The following ANKS1B variants were observed in gnomAD, a reference collection of about 807,000 sequenced individuals.
ANKS1B encodes ankyrin repeat and sterile alpha motif domain containing 1B, also known as ankyrin repeat and sterile alpha motif domain-containing protein 1B.
Under a neutral mutation model 148.3 loss-of-function variants are expected in ANKS1B, and 36 were observed. The ratio of observed to expected loss-of-function variants is 0.24; its 90% CI spans 0.19 to 0.32. The LOEUF is 0.32. Among genes scored for constraint, ANKS1B ranks in the 10% least tolerant of loss-of-function variants. ANKS1B has a pLI of 1.00. For missense variants in ANKS1B, 1,157 were observed against 1,542.6 expected, an observed-to-expected ratio of 0.75 and a Z score of 4.19; for synonymous variants, 542 against 560.8, an observed-to-expected ratio of 0.97 and a Z score of 0.47.
At chr12:98,891,182 C>T (rs1451162503) in intron 17 of ANKS1B, among the ~76,000 whole-genome samples, 1 of 152,184 alleles carries the variant, frequency 6.6e-6, no homozygotes, top group Admixed American at 6.5e-5. Context: ...AGAACTTGCA[C>T]TTTTGCTTCT....
chr12:99,694,042 G>A (rs1359694411), intron 8 of ANKS1B, among the ~76,000 whole-genome samples: 2 of 150,758 alleles, frequency 1.3e-5, no homozygotes, highest in East Asian at 2.0e-4. Context: ...GCCTCCCAAA[G>A]TGCTGGGATT....
intron 8 of ANKS1B, among the ~76,000 whole-genome samples, chr12:99,765,829 T>G (rs1206785020): frequency 2.6e-4 from 39 of 152,122 alleles, no homozygotes; most frequent in Admixed American, 2.6e-3. Context: ...ACAAAATAGC[T>G]CTTTTCTATG....
At chr12:99,380,250 A>G (rs2152504528) in intron 12 of ANKS1B, among the ~76,000 whole-genome samples, 1 of 152,332 alleles carries the variant, frequency 6.6e-6, no homozygotes, top group South Asian at 2.1e-4. Flanking sequence ...AGCTTTCACC[A>G]GCTATATTTG....
intron 13 of ANKS1B, 129 bp downstream of exon 13, chr12:99,246,146 A>C: frequency 1.5e-6 from 1 of 672,214 alleles, no homozygotes; most frequent in Middle Eastern, 2.5e-4. Flanking sequence ...GAACCATTTC[A>C]TTCCAGTTGG....
intron 16 of ANKS1B, among the ~76,000 whole-genome samples, chr12:99,053,968 G>T (rs1312437295): frequency 2.0e-5 from 3 of 152,122 alleles, no homozygotes; most frequent in Non-Finnish European, 4.4e-5. Flanking sequence ...AAAAATAGGA[G>T]AACAAAGAAA....
chr12:98,908,012 T>A (rs1001638639), intron 17 of ANKS1B, among the ~76,000 whole-genome samples: 4 of 152,162 alleles, frequency 2.6e-5, no homozygotes, highest in African/African-American at 9.7e-5. Context: ...GTCTCAGGTA[T>A]GTCTTTATTA....
At chr12:99,952,632 G>C (rs1483791154) in intron 1 of ANKS1B, among the ~76,000 whole-genome samples, 1 of 152,058 alleles carries the variant, frequency 6.6e-6, no homozygotes, top group Non-Finnish European at 1.5e-5. Context: ...TGATCTAAAG[G>C]CTCTTGTACT....
At chr12:99,212,229 G>T (rs2083441923) in intron 14 of ANKS1B, among the ~76,000 whole-genome samples, 1 of 152,154 alleles carries the variant, frequency 6.6e-6, no homozygotes, top group African/African-American at 2.4e-5. Context: ...AAGGTAGCCT[G>T]GGAGTTAAAA....
chr12:99,853,753 A>G (rs1296284517), intron 1 of ANKS1B, among the ~76,000 whole-genome samples: 2 of 152,206 alleles, frequency 1.3e-5, no homozygotes, highest in Non-Finnish European at 2.9e-5. Flanking sequence ...AAGAATTCAG[A>G]AGGTCAATTA....
intron 1 of ANKS1B, among the ~76,000 whole-genome samples, chr12:99,825,977 C>T (rs1295567768): frequency 2.0e-5 from 3 of 152,116 alleles, no homozygotes; most frequent in Admixed American, 1.3e-4. Context: ...TTTTACTATG[C>T]AATATATTCT....
intron 19 of ANKS1B, among the ~76,000 whole-genome samples, chr12:98,828,262 G>A (rs1485537193): frequency 6.6e-6 from 1 of 152,142 alleles, no homozygotes. Flanking sequence ...TGTCTCTCGT[G>A]AGCTGCAGCA....
chr12:99,216,251 C>T (rs1219415528), intron 14 of ANKS1B, among the ~76,000 whole-genome samples: 2 of 152,114 alleles, frequency 1.3e-5, no homozygotes, highest in Admixed American at 6.6e-5. Context: ...ATAAATTACC[C>T]ACATAATTCT....
intron 17 of ANKS1B, among the ~76,000 whole-genome samples, chr12:98,978,472 T>C (rs961481524): frequency 6.6e-6 from 1 of 152,184 alleles, no homozygotes; most frequent in Non-Finnish European, 1.5e-5. Flanking sequence ...TATGTGATTA[T>C]GTGCAAACTG....
At chr12:99,858,766 T>A (rs1168401362) in intron 1 of ANKS1B, among the ~76,000 whole-genome samples, 6 of 152,130 alleles carry the variant, frequency 3.9e-5, no homozygotes, top group Non-Finnish European at 8.8e-5. Flanking sequence ...TTAAGTGAAG[T>A]AACTCAGGAA....
intron 1 of ANKS1B, among the ~76,000 whole-genome samples, chr12:99,919,048 A>T (rs1409641472): frequency 6.6e-6 from 1 of 152,216 alleles, no homozygotes; most frequent in Non-Finnish European, 1.5e-5. Flanking sequence ...ACTCCTTTGT[A>T]CTAGCTAATC....
chr12:99,657,542 T>C (rs1204304352), intron 8 of ANKS1B, among the ~76,000 whole-genome samples: 1 of 151,920 alleles, frequency 6.6e-6, no homozygotes, highest in Non-Finnish European at 1.5e-5. Context: ...TACACACTTC[T>C]CAAATCAATA....
At chr12:99,941,785 T>C (rs558945052) in intron 1 of ANKS1B, among the ~76,000 whole-genome samples, 2 of 152,224 alleles carry the variant, frequency 1.3e-5, no homozygotes, top group South Asian at 4.1e-4. Flanking sequence ...TTTCAGCCCT[T>C]TCAGAATAAC....
chr12:99,263,195 C>G (rs2076101705), intron 12 of ANKS1B, among the ~76,000 whole-genome samples: 1 of 151,900 alleles, frequency 6.6e-6, no homozygotes, highest in African/African-American at 2.4e-5. Flanking sequence ...AACAAGGTAC[C>G]CATGCTCCTT....
chr12:99,759,401 A>G (rs908183306), intron 8 of ANKS1B, among the ~76,000 whole-genome samples: 1 of 151,982 alleles, frequency 6.6e-6, no homozygotes, highest in African/African-American at 2.4e-5. Flanking sequence ...AATGAATTCC[A>G]ATATTCTTTA....
Sources: allele counts gnomAD v4.1 joint callset (sites outside exome capture counted in the v4.1 genomes callset), GRCh38; gene constraint gnomAD v4.1.1; transcripts MANE v1.5; gene names NCBI Gene and HGNC (gene_info 2026-07-23, HGNC 2026-07-21).